SUPT3H: variants seen among roughly 807,000 people sequenced by gnomAD.
The protein encoded by SUPT3H is SPT3 homolog, SAGA and STAGA complex component.
Under a neutral mutation model 44.3 loss-of-function variants are expected in SUPT3H, and 44 were observed. That is an observed-to-expected ratio of 0.99 (90% CI 0.78 to 1.28). The LOEUF (loss-of-function observed/expected upper bound fraction) is 1.28. Ranked by LOEUF, SUPT3H falls within the 50% of genes most tolerant of loss-of-function variation. The pLI, the probability that SUPT3H is intolerant of heterozygous loss-of-function variation, is 0.00. For synonymous variants in SUPT3H, 124 were observed against 125.6 expected, an observed-to-expected ratio of 0.99 and a Z score of 0.09; for missense variants, 380 against 387.1, an observed-to-expected ratio of 0.98 and a Z score of 0.15.
At chr6:45,208,318 A>G (rs1309091845) in intron 2 of SUPT3H, among the ~76,000 whole-genome samples, 1 of 152,256 alleles carries the variant, frequency 6.6e-6, no homozygotes, top group Non-Finnish European at 1.5e-5. Flanking sequence ...TTAAGGAAAT[A>G]AGCCATCTCC....
At chr6:45,352,221 T>C (rs1044831695) in intron 2 of SUPT3H, among the ~76,000 whole-genome samples, 1 of 152,138 alleles carries the variant, frequency 6.6e-6, no homozygotes, top group Non-Finnish European at 1.5e-5. Context: ...CAAATAACCT[T>C]TGATCGTCTA....
intron 2 of SUPT3H, among the ~76,000 whole-genome samples, chr6:45,246,354 T>A (rs1771341449): frequency 2.0e-5 from 3 of 152,210 alleles, no homozygotes. Flanking sequence ...AAATTCAATG[T>A]CTTGAAGCTT....
intron 9 of SUPT3H, among the ~76,000 whole-genome samples, chr6:44,937,072 G>A (rs1347784004): frequency 6.6e-6 from 1 of 152,178 alleles, no homozygotes; most frequent in Non-Finnish European, 1.5e-5. Context: ...CTTTGCCAAA[G>A]TAAATAGAAG....
At chr6:45,329,395 TATG>T (rs1787000542) in intron 2 of SUPT3H, among the ~76,000 whole-genome samples, 1 of 151,962 alleles carries the variant, frequency 6.6e-6, no homozygotes, top group African/African-American at 2.4e-5. Flanking sequence ...GAAATAAAAT[TATG>T]ATAAGCACAT....
chr6:45,005,662 T>C (rs963465274), intron 5 of SUPT3H, among the ~76,000 whole-genome samples: 3 of 149,916 alleles, frequency 2.0e-5, no homozygotes, highest in African/African-American at 4.9e-5. Flanking sequence ...GATTGCTCCA[T>C]TGCACTCCAG....
chr6:45,255,736 T>C (rs1335255536), intron 2 of SUPT3H, among the ~76,000 whole-genome samples: 4 of 152,166 alleles, frequency 2.6e-5, no homozygotes, highest in Non-Finnish European at 4.4e-5. Flanking sequence ...GTAGATACTA[T>C]TATTGGCACC....
chr6:44,834,297 C>T (rs1007217291), intron 10 of SUPT3H, among the ~76,000 whole-genome samples: 1 of 152,090 alleles, frequency 6.6e-6, no homozygotes, highest in Non-Finnish European at 1.5e-5. Flanking sequence ...CTAATTTTGG[C>T]ATTTAGTAAA....
rs570889905 is a variant in SUPT3H at position 45,112,897 on chromosome 6, C to A, written c.102-6891G>T. ...CAATACTTCCCACTGGCTACAGACT[C>A]TAATGTGGTTAAATCATTCTGGATA... On this transcript the variant is annotated intron_variant, in intron 2 of 10. Transcript: ENST00000371459. Among the ~76,000 whole-genome samples the A allele has an allele frequency of 1.8e-4, 27 of 151,168 alleles. No individual in the cohort carries two copies. In the South Asian group the frequency reaches 5.7e-3, roughly 32 times the overall value.
At chr6:44,844,174 GAAC>G (rs1771480523) in intron 10 of SUPT3H, among the ~76,000 whole-genome samples, 2 of 152,050 alleles carry the variant, frequency 1.3e-5, no homozygotes, top group Admixed American at 6.6e-5. Context: ...TATGATGCTG[GAAC>G]AATTGGACAT....
intron 2 of SUPT3H, among the ~76,000 whole-genome samples, chr6:45,217,280 A>G (rs1765214681): frequency 6.6e-6 from 1 of 151,562 alleles, no homozygotes; most frequent in South Asian, 2.1e-4. Flanking sequence ...TCCAAGACCA[A>G]CCTGACCAAC....
chr6:45,242,627 C>G (rs1770577041), intron 2 of SUPT3H, among the ~76,000 whole-genome samples: 1 of 152,068 alleles, frequency 6.6e-6, no homozygotes, highest in African/African-American at 2.4e-5. Flanking sequence ...GTATTCCATA[C>G]TAATTCTAAG....
chr6:45,100,458 AGCTACTCATGAGGCTGAGGGGGGAAATG>A (rs1798391983), intron 3 of SUPT3H, among the ~76,000 whole-genome samples: 1 of 148,230 alleles, frequency 6.7e-6, no homozygotes, highest in African/African-American at 2.5e-5. Flanking sequence ...CTGTAATCCC[AGCTACTCATGAGGCTGAGGGGGGAAATG>A]GCTTGCACCC....
At chr6:45,137,447 C>T (rs1265595900) in intron 2 of SUPT3H, among the ~76,000 whole-genome samples, 9 of 151,964 alleles carry the variant, frequency 5.9e-5, no homozygotes, top group Non-Finnish European at 1.2e-4. Flanking sequence ...ATTACAACAA[C>T]GTACACCAGG....
In SUPT3H at chr6:44,904,690, A is replaced by G. The variant is rs147646870; in HGVS notation, c.912+27963T>C. 8.9e-3 allele frequency among the ~76,000 whole-genome samples: 1,356 copies of G among 152,310 alleles called. 13 individuals carry two copies. Among genetic ancestry groups the G allele is most frequent in the South Asian group, 0.024 (118 of 4,822 alleles). On this transcript the variant is annotated intron_variant, in intron 10 of 10. Coordinates refer to ENST00000371459, the MANE Select transcript of SUPT3H (RefSeq NM_003599.4). ...ACTACTTTAAAGTTCATATGGAACC[A>G]AAAAAGAGCTTGCACCGCGAAGTCA...
chr6:44,869,209 T>C (rs1384024938), intron 10 of SUPT3H, among the ~76,000 whole-genome samples: 2 of 152,176 alleles, frequency 1.3e-5, no homozygotes, highest in Non-Finnish European at 2.9e-5. Context: ...GTCTTTTTTT[T>C]TTTCTTTGAA....
intron 2 of SUPT3H, among the ~76,000 whole-genome samples, chr6:45,299,967 G>C (rs553651426): frequency 6.6e-6 from 1 of 151,352 alleles, no homozygotes; most frequent in Non-Finnish European, 1.5e-5. Context: ...ATATATGTGT[G>C]CACACACACA....
intron 2 of SUPT3H, among the ~76,000 whole-genome samples, chr6:45,141,608 T>C (rs1023904374): frequency 6.6e-6 from 1 of 151,222 alleles, no homozygotes; most frequent in Non-Finnish European, 1.5e-5. Flanking sequence ...AAGAAAGAAC[T>C]TCAGAGCATG....
At chr6:44,897,535 A>G (rs1410649676) in intron 10 of SUPT3H, among the ~76,000 whole-genome samples, 1 of 152,198 alleles carries the variant, frequency 6.6e-6, no homozygotes, top group East Asian at 1.9e-4. Flanking sequence ...ACTTTGCATC[A>G]TGTTTTTACT....
In SUPT3H at chr6:44,891,380, T is replaced by A. The variant is rs974472499; in HGVS notation, c.912+41273A>T. Among the ~76,000 whole-genome samples, 3 of 152,206 alleles carry A rather than the reference T, an allele frequency of 2.0e-5. No homozygotes were observed. In the East Asian group the frequency reaches 5.8e-4, roughly 29 times the overall value. On this transcript the variant is annotated intron_variant, in intron 10 of 10. Coordinates refer to ENST00000371459, the MANE Select transcript of SUPT3H (RefSeq NM_003599.4). ...GAAAATAACCCAAGAATCAATTGAC[T>A]AAAACAAATGTGGTTTATGATGGAA...
Sources: gnomAD v4.1 joint callset for allele counts (sites outside exome capture counted in the v4.1 genomes callset) on GRCh38, gnomAD v4.1.1 for gene constraint, MANE v1.5 for transcripts, NCBI Gene and HGNC (gene_info 2026-07-23, HGNC 2026-07-21) for gene names.